Variants in NRXN1 observed in about 807,000 individuals in gnomAD.
NRXN1 encodes neurexin-1.
A neutral mutation model predicts 150.9 loss-of-function variants in NRXN1; 39 were observed. That is an observed-to-expected ratio of 0.26 (90% CI 0.20 to 0.34). The LOEUF (loss-of-function observed/expected upper bound fraction) is 0.34. Among genes scored for constraint, NRXN1 ranks in the 10% least tolerant of loss-of-function variants. The probability of loss-of-function intolerance (pLI) is 1.00; values close to 1 mark genes in which losing one functional copy is unlikely to be tolerated. For synonymous variants in NRXN1, 924 were observed against 757.0 expected (o/e 1.22, Z -3.62); for missense variants, 1,815 against 1,949.9 (o/e 0.93, Z 1.30).
intron 2 of NRXN1, among the ~76,000 whole-genome samples, chr2:50,999,971 G>A (rs1052984599): frequency 6.6e-6 from 1 of 151,946 alleles, no homozygotes; most frequent in Non-Finnish European, 1.5e-5. Context: ...AAATACAAAT[G>A]ATTTTCTGTT....
At chr2:50,441,959 T>G in intron 17 of NRXN1, among the ~76,000 whole-genome samples, 1 of 152,190 alleles carries the variant, frequency 6.6e-6, no homozygotes, top group Non-Finnish European at 1.5e-5. Flanking sequence ...AGCACTGTTA[T>G]ATGTTTACAG....
intron 7 of NRXN1, 73 bp from the exon 8 acceptor site, chr2:50,620,256 T>G: frequency 6.8e-7 from 1 of 1,461,390 alleles, no homozygotes; most frequent in Non-Finnish European, 9.3e-7. Flanking sequence ...ATATGCCTGT[T>G]TTGTGTTTTG....
At chr2:50,174,279 T>C (rs192115853) in intron 18 of NRXN1, among the ~76,000 whole-genome samples, 3 of 152,302 alleles carry the variant, frequency 2.0e-5, no homozygotes, top group East Asian at 1.9e-4. Context: ...AGTTCGGCCA[T>C]TGACTGTCTT....
chr2:50,398,597 G>A (rs2082194930), intron 17 of NRXN1, among the ~76,000 whole-genome samples: 1 of 152,128 alleles, frequency 6.6e-6, no homozygotes, highest in Admixed American at 6.6e-5. Flanking sequence ...AAACTGGGAA[G>A]GAGCTTCTGC....
In NRXN1 at chr2:50,623,570, C is replaced by G; in HGVS notation, c.878G>C (p.Cys293Ser). 6.2e-7 allele frequency: 1 copy of G among 1,613,090 alleles called. No individual in the cohort carries two copies. Among genetic ancestry groups the G allele is most frequent in the Non-Finnish European group, 8.5e-7 (1 of 1,179,366 alleles). ...AATGGGGTTTTGAGACAAGTCGTAG[C>G]AGAAGTATTCAGATCCTTTGAACGT... ...IATFKGSEYF[C>S]YDLSQNPIQS... The change falls in exon 6 of 23, where the codon TGC becomes TCC. Residue 293 changes from cysteine (C) to serine (S), a missense_variant. Cys to Ser is a moderately radical substitution (Grantham distance 112). This residue lies in a region of NRXN1 where 554 missense variants were observed against 478.8 expected (regional missense o/e 1.16). Coordinates refer to ENST00000401669, the MANE Select transcript of NRXN1 (RefSeq NM_001330078.2).
At chr2:50,673,567 T>G (rs1049821631) in intron 5 of NRXN1, among the ~76,000 whole-genome samples, 1 of 152,142 alleles carries the variant, frequency 6.6e-6, no homozygotes, top group Non-Finnish European at 1.5e-5. Context: ...GTAGGAATCA[T>G]GGCTGGGTGT....
rs1374262781 is a variant in NRXN1 at position 50,330,382 on chromosome 2, G to C, written c.3365-93412C>G. Among the ~76,000 whole-genome samples the C allele has an allele frequency of 2.6e-5, 4 of 151,978 alleles. No homozygotes were observed. In the East Asian group the frequency reaches 7.7e-4, roughly 29 times the overall value. Reference sequence around the variant, plus strand: ...GATCTCTAAATGCCTTAAAGAGTTCGACAGAAAGAATTTAAAAACATAGGC... The same window carrying C: ...GATCTCTAAATGCCTTAAAGAGTTCCACAGAAAGAATTTAAAAACATAGGC... On this transcript the variant is annotated intron_variant, in intron 17 of 22. Coordinates refer to ENST00000401669, the MANE Select transcript of NRXN1 (RefSeq NM_001330078.2).
intron 17 of NRXN1, among the ~76,000 whole-genome samples, chr2:50,269,962 T>G (rs2069367971): frequency 6.6e-6 from 1 of 152,168 alleles, no homozygotes. Context: ...AAGCACATTC[T>G]GTTAAAACAA....
chr2:50,303,965 TTGTC>T (rs1464103270), intron 17 of NRXN1, among the ~76,000 whole-genome samples: 4 of 152,208 alleles, frequency 2.6e-5, no homozygotes, highest in African/African-American at 9.6e-5. Context: ...TAGAAAGCCT[TTGTC>T]TATCTATATA....
At chr2:50,307,753 T>C (rs1186722108) in intron 17 of NRXN1, among the ~76,000 whole-genome samples, 1 of 152,184 alleles carries the variant, frequency 6.6e-6, no homozygotes, top group Non-Finnish European at 1.5e-5. Context: ...CCATGATCCA[T>C]TGAAATGACT....
At chr2:50,166,417 C>T (rs1347234067) in intron 18 of NRXN1, among the ~76,000 whole-genome samples, 1 of 151,772 alleles carries the variant, frequency 6.6e-6, no homozygotes, top group Non-Finnish European at 1.5e-5. Context: ...GTCCTACAGC[C>T]TCACAGAACT....
intron 17 of NRXN1, among the ~76,000 whole-genome samples, chr2:50,430,937 T>C (rs1473836487): frequency 6.6e-6 from 1 of 152,166 alleles, no homozygotes; most frequent in Non-Finnish European, 1.5e-5. Flanking sequence ...AATACACTAA[T>C]GCCTCATCCA....
intron 22 of NRXN1, among the ~76,000 whole-genome samples, chr2:49,932,928 C>T (rs1448454990): frequency 2.0e-5 from 3 of 152,152 alleles, no homozygotes; most frequent in East Asian, 3.9e-4. Context: ...AGCCAAAATT[C>T]AAACTCAGGT....
intron 5 of NRXN1, among the ~76,000 whole-genome samples, chr2:50,829,166 C>T (rs546533374): frequency 1.1e-4 from 17 of 152,076 alleles, no homozygotes; most frequent in African/African-American, 3.6e-4. Flanking sequence ...TGCAGTGAGC[C>T]GAGATGGCAG....
At chr2:50,665,045 C>T (rs1054806230) in intron 5 of NRXN1, among the ~76,000 whole-genome samples, 4 of 151,942 alleles carry the variant, frequency 2.6e-5, no homozygotes, top group African/African-American at 9.7e-5. Flanking sequence ...GTTCTCTTAA[C>T]ATAATATGGT....
intron 17 of NRXN1, among the ~76,000 whole-genome samples, chr2:50,249,663 C>T (rs1390511979): frequency 7.4e-5 from 11 of 149,248 alleles, no homozygotes; most frequent in Non-Finnish European, 1.5e-4. Flanking sequence ...TTTGAGATGG[C>T]GTCGCACTCT....
chr2:50,423,714 A>G (rs368585492), intron 17 of NRXN1, among the ~76,000 whole-genome samples: 2 of 152,226 alleles, frequency 1.3e-5, no homozygotes, highest in South Asian at 2.1e-4. Context: ...TATAATGGTG[A>G]TGGAGAGACA....
chr2:50,625,672 G>C (rs995748636), intron 5 of NRXN1, among the ~76,000 whole-genome samples: 1 of 152,018 alleles, frequency 6.6e-6, no homozygotes, highest in African/African-American at 2.4e-5. Context: ...AGGAAAATGT[G>C]GGTCAAAATA....
intron 2 of NRXN1, among the ~76,000 whole-genome samples, chr2:50,937,263 G>A (rs1688691723): frequency 6.6e-6 from 1 of 152,108 alleles, no homozygotes; most frequent in Non-Finnish European, 1.5e-5. Flanking sequence ...ATCACAGGCT[G>A]CTTAAGAGCA....
Sources: gnomAD v4.1 joint callset for allele counts (sites outside exome capture counted in the v4.1 genomes callset) on GRCh38, gnomAD v4.1.1 for gene constraint, gnomAD v4.1.1 regional missense constraint, MANE v1.5 for transcripts, NCBI Gene and HGNC (gene_info 2026-07-23, HGNC 2026-07-21) for gene names.